Variants in IMPG2 observed in about 807,000 individuals in gnomAD.
IMPG2 encodes the protein IPM 200.
IMPG2 carries 91 observed loss-of-function variants against 129.2 expected under a neutral mutation model. The ratio of observed to expected loss-of-function variants is 0.70; its 90% confidence interval spans 0.59 to 0.84. The LOEUF (loss-of-function observed/expected upper bound fraction) is 0.84, where lower values mean the gene tolerates loss of function less well. Ranked by LOEUF, IMPG2 falls within the 40% of genes least tolerant of loss-of-function variation. The probability of loss-of-function intolerance (pLI) is 0.00; values close to 1 mark genes in which losing one functional copy is unlikely to be tolerated. For missense variants in IMPG2, 1,430 were observed against 1,461.7 expected (o/e 0.98, Z 0.35); for synonymous variants, 510 against 517.7 (o/e 0.99, Z 0.20).
intron 10 of IMPG2, among the ~76,000 whole-genome samples, chr3:101,255,657 C>T (rs1265467979): frequency 6.6e-6 from 1 of 152,042 alleles, no homozygotes; most frequent in Non-Finnish European, 1.5e-5. Context: ...GAATCTTCTG[C>T]CCATATGCCA....
intron 14 of IMPG2, among the ~76,000 whole-genome samples, chr3:101,234,893 G>T (rs1706329394): frequency 6.6e-6 from 1 of 152,100 alleles, no homozygotes; most frequent in Admixed American, 6.5e-5. Context: ...ATATAAGATT[G>T]AATATCCCTT....
Position 101,243,608 on chromosome 3 carries a change from G to A in IMPG2, c.2723C>T (p.Thr908Ile), listed in dbSNP as rs780210597. 4 of 1,613,832 alleles carry A rather than the reference G, an allele frequency of 2.5e-6. No individual in the cohort carries two copies. In the South Asian group the frequency reaches 4.4e-5, roughly 18 times the overall value. ...ALVVFFSLRVTNMMFSEDLFN... is the reference protein window; with the variant it reads ...ALVVFFSLRVINMMFSEDLFN... ...CAGATCTTCTGAAAACATCATGTTA[G>A]TCACTCGGAGGCTGAAGAAAACCAC... The change falls in exon 13 of 19, where the codon ACT (threonine) becomes ATT (isoleucine). Residue 908 changes from threonine to isoleucine, a missense_variant. Thr to Ile is a moderately conservative substitution (Grantham distance 89). Transcript: ENST00000193391.
At chr3:101,300,580 C>T (rs186087623) in intron 3 of IMPG2, among the ~76,000 whole-genome samples, 2 of 152,316 alleles carry the variant, frequency 1.3e-5, no homozygotes, top group East Asian at 1.9e-4. Context: ...GGAAAAAGCA[C>T]GTTTTCCCAG....
At chr3:101,304,123 C>G in intron 3 of IMPG2, 23 bp downstream of exon 3, 1 of 1,612,556 alleles carries the variant, frequency 6.2e-7, no homozygotes, top group Non-Finnish European at 8.5e-7. Context: ...TCCAGGAATC[C>G]CTTCCTTTGT....
chr3:101,276,997 T>G lies in IMPG2; in HGVS notation c.534-284A>C, dbSNP rs541537776. Among the ~76,000 whole-genome samples the G allele has an allele frequency of 6.6e-5, 10 of 152,296 alleles. No homozygotes were observed. The South Asian group carries it at 1.7e-3, about 25-fold the overall frequency. On this transcript the variant is annotated intron_variant, in intron 4 of 18. Transcript: ENST00000193391. Reference sequence around the variant, plus strand: ...TCTCAGTTCTTATCACTATGTGAAATTTTATTTATCTTCTTATTTATCTCT... The same window carrying G: ...TCTCAGTTCTTATCACTATGTGAAAGTTTATTTATCTTCTTATTTATCTCT...
chr3:101,263,943 TA>T (rs1706696268), intron 9 of IMPG2, among the ~76,000 whole-genome samples: 1 of 150,420 alleles, frequency 6.6e-6, no homozygotes, highest in Admixed American at 6.6e-5. Flanking sequence ...ATGGAAAGGA[TA>T]ATTTAGAGAC....
chr3:101,296,925 C>A (rs934930105), intron 3 of IMPG2, among the ~76,000 whole-genome samples: 1 of 152,084 alleles, frequency 6.6e-6, no homozygotes, highest in Non-Finnish European at 1.5e-5. Flanking sequence ...GTTGTTGAGA[C>A]AGAGTCTCAC....
chr3:101,256,221 A>AGAAAGAAAGAAAG (rs1706607417), intron 10 of IMPG2, among the ~76,000 whole-genome samples: 1 of 131,482 alleles, frequency 7.6e-6, no homozygotes, highest in African/African-American at 2.9e-5. Flanking sequence ...AAGAAAGAAA[A>AGAAAGAAAGAAAG]AAATATCTTA....
rs1343385739 is a variant in IMPG2 at position 101,268,114 on chromosome 3, C to G, written c.888-583G>C. On this transcript the variant is annotated intron_variant, in intron 8 of 18. Transcript: ENST00000193391. ...TAATATAGGTATAGAAACTACAGAC[C>G]AAAGAAGATAAATAAGTTGCTGATG... 2.0e-5 allele frequency among the ~76,000 whole-genome samples: 3 copies of G among 152,032 alleles called. No homozygotes were observed. The East Asian group carries it at 5.8e-4, about 29-fold the overall frequency.
At chr3:101,229,734 A>G in intron 16 of IMPG2, 144 bp from the exon 17 acceptor site, 1 of 750,926 alleles carries the variant, frequency 1.3e-6, no homozygotes, top group Non-Finnish European at 2.3e-6. Flanking sequence ...AAACATCTAG[A>G]TCAACCTCAA....
Position 101,273,672 on chromosome 3 carries a change from C to A in IMPG2, c.737G>T (p.Ser246Ile). ...KPAGEQIAEF[S>I]IHLLGKQYRE... ...GTACTGCTTCCCCAAAAGGTGGATA[C>A]TGAATTCTGCAATCTGTTCACCTGC... The change falls in exon 7 of 19, where the codon AGT (serine) becomes ATT (isoleucine). Residue 246 changes from serine to isoleucine, a missense_variant. By Grantham distance (142) the Ser-to-Ile change is moderately radical. Coordinates refer to ENST00000193391, the MANE Select transcript of IMPG2 (RefSeq NM_016247.4). 3.7e-6 allele frequency: 6 copies of A among 1,614,048 alleles called. No homozygotes were observed. The highest frequency in any genetic ancestry group is 4.2e-6 in the Non-Finnish European group (5 of 1,179,972).
chr3:101,278,096 G>A (rs192603722), intron 4 of IMPG2, among the ~76,000 whole-genome samples: 14 of 152,202 alleles, frequency 9.2e-5, no homozygotes, highest in African/African-American at 2.2e-4. Context: ...TTAGCCAGGC[G>A]TGGTGGCACA....
chr3:101,228,698 A>T lies in IMPG2; in HGVS notation c.3713+99T>A, dbSNP rs117392384. On this transcript the variant is annotated intron_variant, in intron 18 of 18. Coordinates refer to ENST00000193391, the MANE Select transcript of IMPG2 (RefSeq NM_016247.4). ...GTTGGTTATCACGGAGACTCCTGTC[A>T]CATGGACAGGAAATTATGTGCTCAC... The T allele has an allele frequency of 2.0e-5, 19 of 938,246 alleles. No individual in the cohort carries two copies. In the East Asian group the frequency reaches 4.3e-4, roughly 21 times the overall value. 58.1% of individuals were successfully genotyped at this position (938,246 alleles called of 1,614,324 possible). A position where few individuals can be genotyped will look rare whatever the true frequency, so the allele number is the denominator to read the frequency against.
chr3:101,295,044 A>T (rs1220907662), intron 3 of IMPG2, among the ~76,000 whole-genome samples: 1 of 152,146 alleles, frequency 6.6e-6, no homozygotes, highest in Non-Finnish European at 1.5e-5. Context: ...GTACACTCTA[A>T]TGAGAGTTTC....
intron 9 of IMPG2, among the ~76,000 whole-genome samples, chr3:101,266,890 A>G (rs1325038799): frequency 6.6e-6 from 1 of 152,214 alleles, no homozygotes; most frequent in East Asian, 1.9e-4. Flanking sequence ...AGCTTTGGAA[A>G]TAAAGTCACT....
intron 12 of IMPG2, 39 bp downstream of exon 12, chr3:101,245,763 A>G (rs1294775997): frequency 1.9e-6 from 3 of 1,571,916 alleles, no homozygotes; most frequent in Non-Finnish European, 2.6e-6. Context: ...CTGTCATCGG[A>G]TACAATAAGA....
rs1006627830 is a variant in IMPG2, at chr3:101,282,484, A to G, written c.534-5771T>C. On this transcript the variant is annotated intron_variant, in intron 4 of 18. Transcript: ENST00000193391. ...TTCTTTATATGCCTTATTTTCTAAG[A>G]ATAGTGAATATCTTGTATCCTCTAT... is the stretch of plus-strand genomic sequence containing the variant. 5.9e-5 allele frequency among the ~76,000 whole-genome samples: 9 copies of G among 152,312 alleles called. No homozygotes were observed. In the South Asian group the frequency reaches 1.9e-3, roughly 32 times the overall value.
intron 18 of IMPG2, among the ~76,000 whole-genome samples, chr3:101,227,488 G>C (rs1321284953): frequency 6.6e-6 from 1 of 152,158 alleles, no homozygotes; most frequent in Non-Finnish European, 1.5e-5. Flanking sequence ...TCCTTCCTTT[G>C]CATGTCTTAG....
rs538284244 is a variant in IMPG2 at position 101,312,263 on chromosome 3, A to G, written c.334+7321T>C. 2.6e-5 allele frequency among the ~76,000 whole-genome samples: 4 copies of G among 152,206 alleles called. No homozygotes were observed. In the South Asian group the frequency reaches 8.3e-4, roughly 31 times the overall value. On this transcript the variant is annotated intron_variant, in intron 2 of 18. Transcript: ENST00000193391. ...AACAACCTACAGAATGGGATAAAAT[A>G]TTTTCAAATCATTTATCTGATAAGG...
Sources: gnomAD v4.1 joint callset for allele counts (sites outside exome capture counted in the v4.1 genomes callset) on GRCh38, gnomAD v4.1.1 for gene constraint, MANE v1.5 for transcripts, NCBI Gene and HGNC (gene_info 2026-07-23, HGNC 2026-07-21) for gene names.